The following C4orf17 variants were observed in gnomAD, a reference collection of about 807,000 sequenced individuals.
The protein encoded by C4orf17 is uncharacterized protein C4orf17.
C4orf17 carries 25 observed loss-of-function variants against 32.0 expected under a neutral mutation model. The ratio of observed to expected loss-of-function variants is 0.78; its 90% CI spans 0.57 to 1.09. The LOEUF is 1.09. C4orf17 is among the 50% of genes least tolerant of loss of function. The pLI, the probability that C4orf17 is intolerant of heterozygous loss-of-function variation, is 0.00. For missense variants in C4orf17, 420 were observed against 420.0 expected, an observed-to-expected ratio of 1.00 and a Z score of 0.00; for synonymous variants, 149 against 145.8, an observed-to-expected ratio of 1.02 and a Z score of -0.16.
chr4:99,534,052 C>G (rs961076976), intron 5 of C4orf17, among the ~76,000 whole-genome samples: 1 of 152,068 alleles, frequency 6.6e-6, no homozygotes, highest in African/African-American at 2.4e-5. Flanking sequence ...AATGTATGCC[C>G]TGGTGGTTTG....
At chr4:99,540,321 A>G (rs1560592208) in intron 7 of C4orf17, 91 bp from the exon 8 acceptor site, 1 of 856,480 alleles carries the variant, frequency 1.2e-6, no homozygotes, top group African/African-American at 1.7e-5. Context: ...TAAGATACAT[A>G]TACACTGAAC....
At chr4:99,521,155 C>T (rs1012217727) in intron 2 of C4orf17, among the ~76,000 whole-genome samples, 2 of 152,100 alleles carry the variant, frequency 1.3e-5, no homozygotes, top group African/African-American at 2.4e-5. Context: ...GGGCGGATTA[C>T]AAGGTCAGGA....
rs1231962401 is a variant in C4orf17, at chr4:99,524,528, T to G, written c.345T>G (p.Ser115Arg). Reference protein sequence around the residue: ...KVPPRPHSEPSRKIKECFKTS... With the variant: ...KVPPRPHSEPRRKIKECFKTS... ...TCCTCAATTTTATTTCAGAGCCCAG[T>G]AGAAAAATTAAAGAGTGCTTCAAAA... Residue 115 changes from serine (S) to arginine (R), a missense_variant, in exon 4 of 9, where the codon AGT becomes AGG. Coordinates refer to ENST00000326581, the MANE Select transcript of C4orf17 (RefSeq NM_032149.3). 1 of 1,592,720 alleles carries G rather than the reference T, an allele frequency of 6.3e-7. No homozygotes were observed. Among genetic ancestry groups the G allele is most frequent in the Non-Finnish European group, 8.6e-7 (1 of 1,162,748 alleles).
chr4:99,526,349 T>G (rs1723387566), intron 4 of C4orf17, among the ~76,000 whole-genome samples: 1 of 152,226 alleles, frequency 6.6e-6, no homozygotes, highest in African/African-American at 2.4e-5. Flanking sequence ...AAAACCTCAC[T>G]TGGTCATGAT....
intron 1 of C4orf17, among the ~76,000 whole-genome samples, chr4:99,512,740 T>C (rs879608980): frequency 2.6e-5 from 4 of 152,198 alleles, no homozygotes; most frequent in Non-Finnish European, 5.9e-5. Context: ...ATATACTTTA[T>C]ACTTTTTACA....
At chr4:99,530,832 T>A (rs945414790) in intron 5 of C4orf17, among the ~76,000 whole-genome samples, 21 of 152,226 alleles carry the variant, frequency 1.4e-4, no homozygotes, top group Non-Finnish European at 2.5e-4. Context: ...TATCTACATA[T>A]TTGACTTATG....
intron 2 of C4orf17, among the ~76,000 whole-genome samples, chr4:99,522,220 C>T (rs1383445992): frequency 6.6e-6 from 1 of 152,162 alleles, no homozygotes; most frequent in African/African-American, 2.4e-5. Flanking sequence ...CCACTTGAAT[C>T]CCAGACCAAC....
At chr4:99,527,462 T>C (rs1387509798) in intron 4 of C4orf17, among the ~76,000 whole-genome samples, 1 of 152,166 alleles carries the variant, frequency 6.6e-6, no homozygotes, top group African/African-American at 2.4e-5. Context: ...CTCCCAAACT[T>C]TTTTGGAAGA....
At chr4:99,535,207 A>T (rs895013491) in intron 5 of C4orf17, among the ~76,000 whole-genome samples, 2 of 152,012 alleles carry the variant, frequency 1.3e-5, no homozygotes, top group African/African-American at 4.8e-5. Context: ...TCTGACGATG[A>T]TGTATCTTAG....
At chr4:99,527,104 C>T (rs139046698) in intron 4 of C4orf17, among the ~76,000 whole-genome samples, 1,869 of 152,064 alleles carry the variant, frequency 0.012, 93 homozygotes, top group Admixed American at 0.1. Flanking sequence ...TTTTCATTTT[C>T]GTTATGTTCA....
At chr4:99,531,165 A>G (rs1723471689) in intron 5 of C4orf17, among the ~76,000 whole-genome samples, 1 of 151,628 alleles carries the variant, frequency 6.6e-6, no homozygotes, top group Non-Finnish European at 1.5e-5. Flanking sequence ...GTTCAGACTT[A>G]TTTATTTAGT....
intron 6 of C4orf17, 106 bp from the exon 7 acceptor site, chr4:99,539,057 T>G (rs923247085): frequency 9.6e-7 from 1 of 1,037,464 alleles, no homozygotes; most frequent in South Asian, 1.5e-5. Flanking sequence ...ATCCAGAAAA[T>G]AGATGACCAG....
chr4:99,522,471 G>A (rs1420259211), intron 2 of C4orf17, 29 bp from the exon 3 acceptor site: 3 of 1,559,982 alleles, frequency 1.9e-6, no homozygotes, highest in Non-Finnish European at 1.8e-6. Context: ...TGCTTGATCT[G>A]TCTCTTTTTT....
intron 6 of C4orf17, among the ~76,000 whole-genome samples, chr4:99,537,996 T>C (rs1212668046): frequency 1.3e-5 from 2 of 152,234 alleles, no homozygotes; most frequent in Non-Finnish European, 2.9e-5. Context: ...GAAACACTTG[T>C]GTCCAAGGGC....
At chr4:99,532,495 A>G (rs1258095105) in intron 5 of C4orf17, among the ~76,000 whole-genome samples, 4 of 152,146 alleles carry the variant, frequency 2.6e-5, no homozygotes, top group Non-Finnish European at 5.9e-5. Flanking sequence ...GGACCTAAAC[A>G]CTGGGAACAT....
intron 4 of C4orf17, among the ~76,000 whole-genome samples, chr4:99,527,705 C>T (rs746329288): frequency 2.0e-4 from 30 of 152,230 alleles, no homozygotes; most frequent in Non-Finnish European, 3.1e-4. Flanking sequence ...TCACATTCTG[C>T]TGTGCAGCAG....
intron 2 of C4orf17, 59 bp downstream of exon 2, chr4:99,513,267 A>G: frequency 6.3e-7 from 1 of 1,597,162 alleles, no homozygotes; most frequent in Non-Finnish European, 8.6e-7. Context: ...GCTATTTGAT[A>G]ATTCTGGCAG....
chr4:99,536,011 AC>A, intron 5 of C4orf17: 1 of 445,244 alleles, frequency 2.2e-6, no homozygotes, highest in Non-Finnish European at 4.5e-6. Context: ...TCTGCTCCAG[AC>A]CCTGGTTGCC....
At position 99,524,567 on chromosome 4, in the gene C4orf17, TC is replaced by T; in HGVS notation, c.387del (p.Leu130Ter). On this transcript the variant is annotated frameshift_variant, in exon 4 of 9. Transcript: ENST00000326581. LOFTEE classifies it high-confidence loss of function. ...AGTGCTTCAAAACTTCCAGTGAGAA[TC>T]CCTTAGTAATTAAAAAGGTAAGGAA... ...KECFKTSSEN[P>X]LVIKKEEIKA... 6.2e-7 allele frequency: 1 copy of T among 1,602,028 alleles called. No individual in the cohort carries two copies. The highest frequency in any genetic ancestry group is 8.5e-7 in the Non-Finnish European group (1 of 1,170,628).
Sources: gnomAD v4.1 joint callset for allele counts (sites outside exome capture counted in the v4.1 genomes callset) on GRCh38, gnomAD v4.1.1 for gene constraint, MANE v1.5 for transcripts, NCBI Gene and HGNC (gene_info 2026-07-23, HGNC 2026-07-21) for gene names.